PRKG1: variants seen among roughly 807,000 people sequenced by gnomAD.
The protein encoded by PRKG1 is protein kinase cGMP-dependent 1, also known as cGMP-dependent protein kinase 1.
A neutral mutation model predicts 88.1 loss-of-function variants in PRKG1; 35 were observed. That is an observed-to-expected ratio of 0.40 (90% CI 0.30 to 0.53). PRKG1 has a LOEUF of 0.53. Among genes scored for constraint, PRKG1 ranks in the 20% least tolerant of loss-of-function variants. PRKG1 has a pLI of 0.59. For synonymous variants in PRKG1, 303 were observed against 292.5 expected (o/e 1.04, Z -0.37); for missense variants, 540 against 839.8 (o/e 0.64, Z 4.41).
chr10:51,407,011 G>A (rs1837938866), intron 2 of PRKG1, among the ~76,000 whole-genome samples: 1 of 152,118 alleles, frequency 6.6e-6, no homozygotes, highest in African/African-American at 2.4e-5. Context: ...ATGTAGGCTG[G>A]GAGGCTAGGC....
intron 3 of PRKG1, among the ~76,000 whole-genome samples, chr10:51,731,890 C>T (rs1284698423): frequency 1.8e-4 from 27 of 152,164 alleles, no homozygotes; most frequent in Non-Finnish European, 1.5e-4. Flanking sequence ...TGAGGCCTCC[C>T]TCCTTGGCTT....
chr10:51,310,205 C>G (rs986904510), intron 2 of PRKG1, among the ~76,000 whole-genome samples: 6 of 152,142 alleles, frequency 3.9e-5, no homozygotes, highest in Non-Finnish European at 8.8e-5. Context: ...CACAATATAT[C>G]TATATAACAA....
At chr10:52,167,833 C>A (rs1398938795) in intron 9 of PRKG1, among the ~76,000 whole-genome samples, 2 of 152,164 alleles carry the variant, frequency 1.3e-5, no homozygotes, top group African/African-American at 4.8e-5. Flanking sequence ...GTTCTGACAA[C>A]TATATGACTA....
rs111447733 is a variant in PRKG1 at position 51,715,495 on chromosome 10, T to C, written c.593-89090T>C. 7.2e-3 allele frequency among the ~76,000 whole-genome samples: 1,103 copies of C among 152,180 alleles called. 20 individuals carry two copies. Among genetic ancestry groups the C allele is most frequent in the African/African-American group, 0.025 (1,045 of 41,534 alleles). ...GACTTCACTTTGAGAAACCCTTCAT[T>C]TGAACATGATTACTATGATTATATT... is the stretch of plus-strand genomic sequence containing the variant. On this transcript the variant is annotated intron_variant, in intron 3 of 17. Transcript: ENST00000373980.
intron 1 of PRKG1, among the ~76,000 whole-genome samples, chr10:51,132,446 A>G (rs1478797803): frequency 2.0e-5 from 3 of 152,134 alleles, no homozygotes; most frequent in South Asian, 4.1e-4. Flanking sequence ...TTAACAGTCA[A>G]CATCTTACAT....
At chr10:52,171,641 TC>T (rs1838679117) in intron 9 of PRKG1, among the ~76,000 whole-genome samples, 1 of 152,102 alleles carries the variant, frequency 6.6e-6, no homozygotes, top group South Asian at 2.1e-4. Context: ...GATTAATACT[TC>T]AGCAGGATTT....
intron 5 of PRKG1, among the ~76,000 whole-genome samples, chr10:52,022,858 C>T (rs941034927): frequency 1.3e-5 from 2 of 152,038 alleles, no homozygotes; most frequent in African/African-American, 4.8e-5. Context: ...GTAGAATCCA[C>T]AGCAGAAAAA....
chr10:51,062,820 C>T (rs1202432816), intron 1 of PRKG1: 1 of 152,052 alleles, frequency 6.6e-6, no homozygotes, highest in African/African-American at 2.4e-5. Flanking sequence ...CGGGGTTTCT[C>T]CATGTTGGTC....
intron 3 of PRKG1, among the ~76,000 whole-genome samples, chr10:51,754,385 A>G (rs558341335): frequency 1.3e-5 from 2 of 152,134 alleles, no homozygotes; most frequent in African/African-American, 4.8e-5. Context: ...CTGGTGACCT[A>G]TCATTTGCTA....
rs559472333 is a variant in PRKG1 at position 51,221,018 on chromosome 10, G to A, written c.478+67688G>A. Among the ~76,000 whole-genome samples, 5 of 151,980 alleles carry A rather than the reference G, an allele frequency of 3.3e-5. No individual in the cohort carries two copies. The East Asian group carries it at 9.7e-4, about 29-fold the overall frequency. On this transcript the variant is annotated intron_variant, in intron 2 of 17. Transcript: ENST00000373980. ...TTCCAATATGTTTCATTCAGCACTG[G>A]GTTATTGTTTAGTACATTTGTGCAA...
chr10:51,166,959 T>A (rs1846560863), intron 2 of PRKG1, among the ~76,000 whole-genome samples: 1 of 152,212 alleles, frequency 6.6e-6, no homozygotes, highest in African/African-American at 2.4e-5. Context: ...TTTATTATAA[T>A]TCATTTGATT....
chr10:51,094,561 G>A (rs1400948610), intron 1 of PRKG1, among the ~76,000 whole-genome samples: 1 of 151,152 alleles, frequency 6.6e-6, no homozygotes, highest in African/African-American at 2.4e-5. Context: ...TTTTCTTTCA[G>A]GTTTTTGAAT....
intron 11 of PRKG1, 40 bp downstream of exon 11, chr10:52,271,529 A>G: frequency 6.3e-7 from 1 of 1,593,846 alleles, no homozygotes; most frequent in Non-Finnish European, 8.6e-7. Context: ...CCCAACTCCA[A>G]GTGACAAATC....
At position 52,293,109 on chromosome 10, in the gene PRKG1, C is replaced by T. The variant is rs1424457536; in HGVS notation, c.1963-693C>T. ...TACAAAAATCACAAGCATTCTTATA[C>T]ACCAATAACAGACAAACAGAGAGCC... On this transcript the variant is annotated intron_variant, in intron 17 of 17. Coordinates refer to ENST00000373980, the MANE Select transcript of PRKG1 (RefSeq NM_006258.4). 2.0e-5 allele frequency among the ~76,000 whole-genome samples: 3 copies of T among 149,194 alleles called. No homozygotes were observed. In the East Asian group the frequency reaches 5.9e-4, roughly 29 times the overall value.
At chr10:51,720,582 T>C (rs755860900) in intron 3 of PRKG1, among the ~76,000 whole-genome samples, 90 of 152,278 alleles carry the variant, frequency 5.9e-4, no homozygotes, top group Non-Finnish European at 1.0e-3. Flanking sequence ...GTGGGATGGC[T>C]TTATAATTTA....
At chr10:51,810,419 C>T (rs543980391) in intron 4 of PRKG1, among the ~76,000 whole-genome samples, 8 of 152,228 alleles carry the variant, frequency 5.3e-5, no homozygotes, top group African/African-American at 1.7e-4. Context: ...GGCCTTGTAG[C>T]ATCTGTATAC....
intron 3 of PRKG1, among the ~76,000 whole-genome samples, chr10:51,582,445 G>T (rs1022818567): frequency 6.6e-6 from 1 of 152,082 alleles, no homozygotes; most frequent in South Asian, 2.1e-4. Context: ...AGCCCAGAGT[G>T]AATTAGCTAT....
chr10:51,221,523 A>G (rs954163255), intron 2 of PRKG1, among the ~76,000 whole-genome samples: 3 of 152,054 alleles, frequency 2.0e-5, no homozygotes, highest in African/African-American at 7.2e-5. Flanking sequence ...ATGTTTGTAA[A>G]TGTGGCTTAG....
At chr10:51,743,862 G>T (rs1277331408) in intron 3 of PRKG1, among the ~76,000 whole-genome samples, 4 of 148,974 alleles carry the variant, frequency 2.7e-5, no homozygotes, top group African/African-American at 7.4e-5. Context: ...TGGGATTTCT[G>T]ATTTCTGATT....
Sources: gnomAD v4.1 joint callset for allele counts (sites outside exome capture counted in the v4.1 genomes callset) on GRCh38, gnomAD v4.1.1 for gene constraint, MANE v1.5 for transcripts, NCBI Gene and HGNC (gene_info 2026-07-23, HGNC 2026-07-21) for gene names.